NDUFA6: variants seen among roughly 807,000 people sequenced by gnomAD.
NDUFA6 encodes the protein NADH:ubiquinone oxidoreductase subunit A6.
Under a neutral mutation model 12.5 loss-of-function variants are expected in NDUFA6, and 10 were observed. The observed-to-expected ratio is 0.80, with a 90% CI of 0.49 to 1.35. NDUFA6 has a LOEUF of 1.35. Among genes scored for constraint, NDUFA6 ranks in the 40% most tolerant of loss-of-function variants. The probability of loss-of-function intolerance (pLI) is 0.00; values close to 1 mark genes in which losing one functional copy is unlikely to be tolerated. For synonymous variants in NDUFA6, 66 were observed against 63.0 expected (o/e 1.05, Z -0.23); for missense variants, 177 against 173.5 (o/e 1.02, Z -0.11).
chr22:42,088,173 C>T (rs866731720), intron 1 of NDUFA6, among the ~76,000 whole-genome samples: 4 of 145,614 alleles, frequency 2.7e-5, no homozygotes, highest in Admixed American at 1.4e-4. Context: ...TTTGGGAGGC[C>T]GAGGCGGGTG....
chr22:42,088,611 C>T (rs913097387), intron 1 of NDUFA6, among the ~76,000 whole-genome samples: 1 of 149,858 alleles, frequency 6.7e-6, no homozygotes, highest in Non-Finnish European at 1.5e-5. Flanking sequence ...CCCAGCTACT[C>T]GGGAGGCTGA....
rs542094178 is a variant in NDUFA6, at chr22:42,087,171, G to T, written c.144C>A (p.His48Gln). The T allele has an allele frequency of 6.2e-7, 1 of 1,607,868 alleles. No individual in the cohort carries two copies. The highest frequency in any genetic ancestry group is 1.1e-5 in the South Asian group (1 of 90,942). Reference protein sequence around the residue: ...AWYREVPNTVHQFQLDITVKM... With the variant: ...AWYREVPNTVQQFQLDITVKM... ...TCACAGTGATGTCCAGCTGGAATTGGTGCACTAGAGAGAAAAACATGACTC... is the reference window on the plus strand; with the variant it reads ...TCACAGTGATGTCCAGCTGGAATTGTTGCACTAGAGAGAAAAACATGACTC... Residue 48 changes from histidine to glutamine, a missense_variant, in exon 2 of 3, where the codon CAC becomes CAA. By Grantham distance (24) the His-to-Gln change is conservative (BLOSUM62 0). This residue lies in a region of NDUFA6 where 111 missense variants were observed against 87.2 expected (regional missense o/e 1.27). Transcript: ENST00000498737.
Position 42,090,652 on chromosome 22 carries a change from C to G in NDUFA6, c.93G>C (p.Arg31Ser). Residue 31 changes from arginine (R) to serine (S), a missense_variant, in exon 1 of 3, where the codon AGG becomes AGC. By Grantham distance (110) the Arg-to-Ser change is moderately radical. Coordinates refer to ENST00000498737, the MANE Select transcript of NDUFA6 (RefSeq NM_002490.6). Reference protein sequence around the residue: ...FSRDMNEAKRRVRELYRAWYR... With the variant: ...FSRDMNEAKRSVRELYRAWYR... ...ACCAGGCGCGGTAGAGCTCGCGCAC[C>G]CTCCGCTTGGCCTCGTTCATGTCCC... is the stretch of plus-strand genomic sequence containing the variant. 6.2e-7 allele frequency: 1 copy of G among 1,614,160 alleles called. No homozygotes were observed. Among genetic ancestry groups the G allele is most frequent in the Non-Finnish European group, 8.5e-7 (1 of 1,180,044 alleles).
chr22:42,089,774 C>G (rs894591727), intron 1 of NDUFA6: 2 of 152,100 alleles, frequency 1.3e-5, no homozygotes, highest in East Asian at 1.9e-4. Flanking sequence ...GATGAAATAA[C>G]TGGCCCAAGG....
intron 1 of NDUFA6, among the ~76,000 whole-genome samples, chr22:42,090,181 T>G (rs973521811): frequency 6.6e-6 from 1 of 152,038 alleles, no homozygotes; most frequent in Non-Finnish European, 1.5e-5. Flanking sequence ...AGCGAGACTC[T>G]GTCACAAACA....
At chr22:42,088,741 AAAG>A (rs1159168045) in intron 1 of NDUFA6, among the ~76,000 whole-genome samples, 7 of 151,874 alleles carry the variant, frequency 4.6e-5, no homozygotes, top group African/African-American at 1.5e-4. Context: ...AAAAAAAAAA[AAAG>A]TGAGTTATCA....
Position 42,086,092 on chromosome 22 carries a change from T to A in NDUFA6, c.*91A>T, listed in dbSNP as rs1212977238. The stretch of plus-strand genomic sequence containing the variant: ...AAAGAGGCTGCAGAAAATTGGTTCA[T>A]CAATGGAATTCTATCACAAAGTGAC... On this transcript the variant is annotated 3_prime_UTR_variant, in exon 3 of 3. Transcript: ENST00000498737. 1 of 1,591,966 alleles carries A rather than the reference T, an allele frequency of 6.3e-7. No homozygotes were observed. The highest frequency in any genetic ancestry group is 1.3e-5 in the African/African-American group (1 of 74,500).
intron 1 of NDUFA6, among the ~76,000 whole-genome samples, chr22:42,088,919 G>GT (rs546743590): frequency 3.2e-3 from 481 of 152,194 alleles, no homozygotes; most frequent in African/African-American, 0.011. Flanking sequence ...ACAGGTTTGA[G>GT]TAACTGGCCA....
chr22:42,087,882 T>G lies in NDUFA6; in HGVS notation c.140-707A>C, dbSNP rs1259863151. Among the ~76,000 whole-genome samples, 10 of 146,832 alleles carry G rather than the reference T, an allele frequency of 6.8e-5. 1 individual carries two copies. In the South Asian group the frequency reaches 8.7e-4, roughly 13 times the overall value. The stretch of plus-strand genomic sequence containing the variant: ...CAGCACTTTGGGAGGCCAAGGCAGG[T>G]GGATCACCTGAGGTCAGGAGTTCAA... On this transcript the variant is annotated intron_variant, in intron 1 of 2. Transcript: ENST00000498737.
rs1928215810 is a variant in NDUFA6, at chr22:42,086,037, T to G, written c.*146A>C. ...AAGAAAAGGGAAAGAACAGGTGATG[T>G]GTATACCAAGGTCCCACTTGCTCAG... On this transcript the variant is annotated 3_prime_UTR_variant, in exon 3 of 3. Coordinates refer to ENST00000498737, the MANE Select transcript of NDUFA6 (RefSeq NM_002490.6). The G allele has an allele frequency of 4.1e-6, 4 of 970,044 alleles. No homozygotes were observed. In the South Asian group the frequency reaches 5.2e-5, roughly 13 times the overall value. 60.1% of individuals were successfully genotyped at this position (970,044 alleles called of 1,614,324 possible).
At chr22:42,086,853 A>G (rs905189314) in intron 2 of NDUFA6, among the ~76,000 whole-genome samples, 1 of 152,232 alleles carries the variant, frequency 6.6e-6, no homozygotes, top group East Asian at 1.9e-4. Flanking sequence ...ATAAAATGCA[A>G]GTCCCAGTGG....
rs1928227023 is a variant in NDUFA6, at chr22:42,086,177, A to G, written c.*6T>C. On this transcript the variant is annotated 3_prime_UTR_variant, in exon 3 of 3. Transcript: ENST00000498737. ...GTATCAACGTGCATCTTTCCACTGA[A>G]TGACTTCATGGATCGTGGCCAACAT... is the stretch of plus-strand genomic sequence containing the variant. 1 of 1,614,122 alleles carries G rather than the reference A, an allele frequency of 6.2e-7. No homozygotes were observed. Among genetic ancestry groups the G allele is most frequent in the Non-Finnish European group, 8.5e-7 (1 of 1,180,048 alleles).
chr22:42,086,152 G>A lies in NDUFA6; in HGVS notation c.*31C>T. On this transcript the variant is annotated 3_prime_UTR_variant, in exon 3 of 3. Coordinates refer to ENST00000498737, the MANE Select transcript of NDUFA6 (RefSeq NM_002490.6). Reference sequence around the variant, plus strand: ...GTGAGTTTATTTGTGCTCTAAAATAGTATCAACGTGCATCTTTCCACTGAA... The same window carrying A: ...GTGAGTTTATTTGTGCTCTAAAATAATATCAACGTGCATCTTTCCACTGAA... 3 of 1,614,098 alleles carry A rather than the reference G, an allele frequency of 1.9e-6. No individual in the cohort carries two copies. Among genetic ancestry groups the A allele is most frequent in the Non-Finnish European group, 2.5e-6 (3 of 1,179,964 alleles).
intron 1 of NDUFA6, chr22:42,087,410 G>T: frequency 1.8e-6 from 1 of 543,858 alleles, no homozygotes; most frequent in Admixed American, 3.1e-5. Flanking sequence ...GTAAAGCATT[G>T]TTCAAGAGTT....
chr22:42,087,725 C>G (rs1440254143), intron 1 of NDUFA6, among the ~76,000 whole-genome samples: 1 of 150,852 alleles, frequency 6.6e-6, no homozygotes, highest in Admixed American at 6.6e-5. Flanking sequence ...TGGTGTGAAC[C>G]CGGGAGGTGG....
chr22:42,088,290 C>T (rs904182581), intron 1 of NDUFA6, among the ~76,000 whole-genome samples: 6 of 151,812 alleles, frequency 4.0e-5, no homozygotes, highest in South Asian at 2.1e-4. Flanking sequence ...GCCTGTAGTC[C>T]CAGCTACTCA....
intron 1 of NDUFA6, among the ~76,000 whole-genome samples, chr22:42,089,349 C>CACACAT (rs1928479844): frequency 1.3e-5 from 2 of 151,814 alleles, no homozygotes; most frequent in African/African-American, 4.8e-5. Context: ...CACACACACA[C>CACACAT]ACACACTGCT....
At chr22:42,086,445 G>A in intron 2 of NDUFA6, 131 bp from the exon 3 acceptor site, 1 of 1,182,258 alleles carries the variant, frequency 8.5e-7, no homozygotes, top group Non-Finnish European at 1.2e-6. Flanking sequence ...TACTCTGTCT[G>A]GGCAAAGTTT....
In NDUFA6 at chr22:42,090,634, G is replaced by A. The variant is rs1270726200; in HGVS notation, c.111C>T (p.Arg37=). 4 of 1,613,926 alleles carry A rather than the reference G, an allele frequency of 2.5e-6. No individual in the cohort carries two copies. The highest frequency in any genetic ancestry group is 1.1e-5 in the South Asian group (1 of 91,096). Residue 37 remains arginine, a synonymous_variant, in exon 1 of 3, where the codon CGC becomes CGT. Transcript: ENST00000498737. ...TGTTCGGCACCTCCCGATACCAGGC[G>A]CGGTAGAGCTCGCGCACCCTCCGCT... ...EAKRRVRELY[R]AWYREVPNTV...
Sources: gnomAD v4.1 joint callset for allele counts (sites outside exome capture counted in the v4.1 genomes callset) on GRCh38, gnomAD v4.1.1 for gene constraint, gnomAD v4.1.1 regional missense constraint, MANE v1.5 for transcripts, NCBI Gene and HGNC (gene_info 2026-07-23, HGNC 2026-07-21) for gene names.